CXADR: variants seen among roughly 807,000 people sequenced by gnomAD.
CXADR encodes coxsackievirus and adenovirus receptor.
CXADR carries 20 observed loss-of-function variants against 40.3 expected under a neutral mutation model. The ratio of observed to expected loss-of-function variants is 0.50; its 90% CI spans 0.35 to 0.72. The LOEUF is 0.72. Among genes scored for constraint, CXADR ranks in the 30% least tolerant of loss-of-function variants. The pLI is 0.01. For missense variants in CXADR, 332 were observed against 449.1 expected (o/e 0.74, Z 2.36); for synonymous variants, 150 against 161.3 (o/e 0.93, Z 0.53).
chr21:17,591,604 CT>C (rs72203465), intron 7 of CXADR, among the ~76,000 whole-genome samples: 23,232 of 151,330 alleles, frequency 0.15, 2,047 homozygotes, highest in East Asian at 0.22. Context: ...CTTACTAAAA[CT>C]TTTTTTTTCA....
At position 17,551,918 on chromosome 21, in the gene CXADR, G is replaced by T; in HGVS notation, c.380G>T (p.Gly127Val). The change falls in exon 3 of 7, where the codon GGT (glycine) becomes GTT (valine). Residue 127 changes from glycine (G) to valine (V), a missense_variant. Around this residue, in one of 3 missense-constraint regions of CXADR, gnomAD observed 162 missense variants for 198.5 expected, o/e 0.82. Coordinates refer to ENST00000284878, the MANE Select transcript of CXADR (RefSeq NM_001338.5). The part of the protein sequence containing the change: ...TYQCKVKKAP[G>V]VANKKIHLVV... ...CAGTGCAAAGTGAAAAAAGCTCCTG[G>T]TGTTGCAAATAAGAAGATTCATCTG... is the stretch of plus-strand genomic sequence containing the variant. 1 of 1,613,888 alleles carries T rather than the reference G, an allele frequency of 6.2e-7. No individual in the cohort carries two copies. Among genetic ancestry groups the T allele is most frequent in the Non-Finnish European group, 8.5e-7 (1 of 1,179,872 alleles).
intron 1 of CXADR, among the ~76,000 whole-genome samples, chr21:17,535,026 C>G (rs773205070): frequency 6.6e-6 from 1 of 152,166 alleles, no homozygotes; most frequent in Non-Finnish European, 1.5e-5. Context: ...AGGTGATCCG[C>G]CTGCCTTGGC....
chr21:17,529,859 C>A (rs952529926), intron 1 of CXADR, among the ~76,000 whole-genome samples: 1 of 152,096 alleles, frequency 6.6e-6, no homozygotes, highest in Admixed American at 6.6e-5. Context: ...TACCTAGCAA[C>A]CTGATCCGGA....
chr21:17,566,527 T>G lies in CXADR; in HGVS notation c.*835T>G, dbSNP rs1413784935. ...AAATGGTGGCCAGCCAGATCAAGGA[T>G]GTAGTATCTCATAGTTCCCAGGTGA... On this transcript the variant is annotated 3_prime_UTR_variant, in exon 7 of 7. Coordinates refer to ENST00000284878, the MANE Select transcript of CXADR (RefSeq NM_001338.5). 1 of 985,364 alleles carries G rather than the reference T, an allele frequency of 1.0e-6. No homozygotes were observed. Among genetic ancestry groups the G allele is most frequent in the East Asian group, 1.1e-4 (1 of 8,816 alleles). 61.0% of individuals were successfully genotyped at this position (985,364 alleles called of 1,614,324 possible). A position where few individuals can be genotyped will look rare whatever the true frequency, so the allele number is the denominator to read the frequency against.
At chr21:17,590,323 T>G (rs1281906165) in intron 7 of CXADR, among the ~76,000 whole-genome samples, 2 of 151,892 alleles carry the variant, frequency 1.3e-5, no homozygotes. Context: ...CTAATTGCAG[T>G]GATGTATCTG....
chr21:17,526,978 G>A (rs760672518), intron 1 of CXADR, among the ~76,000 whole-genome samples: 7 of 152,128 alleles, frequency 4.6e-5, no homozygotes, highest in Non-Finnish European at 1.0e-4. Flanking sequence ...ATTCTATGAA[G>A]GTGATGAAAA....
intron 1 of CXADR, among the ~76,000 whole-genome samples, chr21:17,545,771 G>GTTTTTTTTTT (rs147395162): frequency 1.5e-5 from 2 of 137,066 alleles, no homozygotes; most frequent in African/African-American, 2.5e-5. Context: ...TCAACTATTT[G>GTTTTTTTTTT]GTTTTTTTTG....
rs1014454826 is a variant in CXADR at position 17,561,400 on chromosome 21, A to G, written c.757A>G (p.Ile253Val). The G allele has an allele frequency of 1.2e-6, 2 of 1,612,422 alleles. No homozygotes were observed. Among genetic ancestry groups the G allele is most frequent in the African/African-American group, 2.7e-5 (2 of 74,912 alleles). The change falls in exon 6 of 7, where the codon ATT becomes GTT. Residue 253 changes from isoleucine (I) to valine (V), a missense_variant. Around this residue, in one of 3 missense-constraint regions of CXADR, gnomAD observed 150 missense variants for 194.2 expected, o/e 0.77. Coordinates refer to ENST00000284878, the MANE Select transcript of CXADR (RefSeq NM_001338.5). ...AGGAACTTTGCTTGCTCTAGCGCTC[A>G]TTGGTCTTATCATCTTTTGCTGTCG... ...IIGTLLALAL[I>V]GLIIFCCRKK...
At chr21:17,559,356 T>A (rs58915577) in intron 4 of CXADR, among the ~76,000 whole-genome samples, 4,708 of 150,838 alleles carry the variant, frequency 0.031, 231 homozygotes, top group African/African-American at 0.097. Context: ...ATTTTTTTTT[T>A]AAAAAATGTG....
At chr21:17,553,026 G>A (rs2060988616) in intron 3 of CXADR, among the ~76,000 whole-genome samples, 1 of 152,082 alleles carries the variant, frequency 6.6e-6, no homozygotes, top group Admixed American at 6.6e-5. Flanking sequence ...AGGTTCAAGT[G>A]ATTCTCTTGC....
At chr21:17,624,474 G>A in the CXADR span, among the ~76,000 whole-genome samples, 1 of 152,160 alleles carries the variant, frequency 6.6e-6, no homozygotes, top group East Asian at 1.9e-4. Context: ...TTGCTCATGG[G>A]TCCCCATATC....
intron 1 of CXADR, chr21:17,518,591 C>T: frequency 1.5e-6 from 2 of 1,307,956 alleles, no homozygotes; most frequent in Non-Finnish European, 1.1e-6. Flanking sequence ...TCCTCCTCAT[C>T]AGTGTCTTCT....
chr21:17,553,442 T>C (rs1319218427), intron 3 of CXADR, among the ~76,000 whole-genome samples: 2 of 152,080 alleles, frequency 1.3e-5, no homozygotes, highest in Non-Finnish European at 2.9e-5. Flanking sequence ...TCGCACTAAC[T>C]AAAAATGTTT....
At chr21:17,550,491 CATTT>C (rs1464198476) in intron 2 of CXADR, among the ~76,000 whole-genome samples, 1 of 151,966 alleles carries the variant, frequency 6.6e-6, no homozygotes, top group African/African-American at 2.4e-5. Context: ...TCTTAGATGA[CATTT>C]ATTCTGATTA....
chr21:17,615,574 C>T, the CXADR span, among the ~76,000 whole-genome samples: 1 of 152,116 alleles, frequency 6.6e-6, no homozygotes, highest in African/African-American at 2.4e-5. Context: ...TGTATGCTCG[C>T]TCTCTCTCAA....
the CXADR span, chr21:17,605,120 C>G: frequency 9.0e-7 from 1 of 1,114,212 alleles, no homozygotes; most frequent in East Asian, 2.6e-5. Context: ...TGGTAGAGAA[C>G]CTAGGAGCAT....
At chr21:17,594,149 CAGG>C, downstream of CXADR, 3 of 1,613,170 alleles carry the variant, frequency 1.9e-6, no homozygotes, top group South Asian at 1.1e-5. Context: ...CAATGCATTC[CAGG>C]AGGAGGTACC....
At chr21:17,597,375 C>T (rs2061517454), downstream of CXADR, among the ~76,000 whole-genome samples, 4 of 151,724 alleles carry the variant, frequency 2.6e-5, no homozygotes, top group African/African-American at 9.7e-5. Context: ...AATATATAAT[C>T]CATCACACAG....
chr21:17,600,172 T>C, the CXADR span, among the ~76,000 whole-genome samples: 10 of 152,272 alleles, frequency 6.6e-5, no homozygotes, highest in Admixed American at 5.2e-4. Flanking sequence ...AGGAAAATAG[T>C]GTAATAAACT....
Sources: gnomAD v4.1 joint callset for allele counts (sites outside exome capture counted in the v4.1 genomes callset) on GRCh38, gnomAD v4.1.1 for gene constraint, gnomAD v4.1.1 regional missense constraint, MANE v1.5 for transcripts, NCBI Gene and HGNC (gene_info 2026-07-23, HGNC 2026-07-21) for gene names.